DSE: variants seen among roughly 807,000 people sequenced by gnomAD.
The protein encoded by DSE is dermatan-sulfate epimerase.
A neutral mutation model predicts 84.4 loss-of-function variants in DSE; 36 were observed. The ratio of observed to expected loss-of-function variants is 0.43; its 90% confidence interval spans 0.33 to 0.56. DSE has a LOEUF of 0.56. Among genes scored for constraint, DSE ranks in the 20% least tolerant of loss-of-function variants. The pLI is 0.06. For missense variants in DSE, 862 were observed against 1,169.6 expected (o/e 0.74, Z 3.84); for synonymous variants, 410 against 430.1 (o/e 0.95, Z 0.58).
chr6:116,311,283 C>T (rs1037047152), intron 2 of DSE, among the ~76,000 whole-genome samples: 1 of 152,134 alleles, frequency 6.6e-6, no homozygotes, highest in Non-Finnish European at 1.5e-5. Context: ...GTTTTCATAT[C>T]GCCTTTCTCT....
At chr6:116,342,066 A>G (rs1389376898) in intron 2 of DSE, among the ~76,000 whole-genome samples, 1 of 152,200 alleles carries the variant, frequency 6.6e-6, no homozygotes, top group Non-Finnish European at 1.5e-5. Context: ...TTTTAAAAAT[A>G]GCTGCTTAAT....
intron 2 of DSE, among the ~76,000 whole-genome samples, chr6:116,304,157 A>T (rs1582981255): frequency 6.6e-6 from 1 of 151,884 alleles, no homozygotes; most frequent in Admixed American, 6.6e-5. Context: ...AAACAGAAAC[A>T]GTGGGTCAGA....
At chr6:116,386,035 A>G (rs1780559564) in intron 1 of DSE, among the ~76,000 whole-genome samples, 2 of 152,212 alleles carry the variant, frequency 1.3e-5, no homozygotes, top group Non-Finnish European at 2.9e-5. Flanking sequence ...ACTTCCTTTT[A>G]GCCCTTTGCT....
chr6:116,390,487 G>A (rs1207032183), intron 1 of DSE, among the ~76,000 whole-genome samples: 1 of 152,132 alleles, frequency 6.6e-6, no homozygotes, highest in African/African-American at 2.4e-5. Context: ...ACAATGCACT[G>A]CAAAGCATAA....
chr6:116,401,901 T>C, intron 2 of DSE, among the ~76,000 whole-genome samples: 1 of 144,060 alleles, frequency 6.9e-6, no homozygotes, highest in East Asian at 2.0e-4. Flanking sequence ...ACAAAAGAGA[T>C]CAATAATTGA....
intron 2 of DSE, among the ~76,000 whole-genome samples, chr6:116,327,953 C>T (rs1482521762): frequency 6.6e-6 from 1 of 152,072 alleles, no homozygotes; most frequent in Non-Finnish European, 1.5e-5. Flanking sequence ...CCACAGAGGC[C>T]AGAGGAGCAC....
intron 4 of DSE, 35 bp downstream of exon 4, chr6:116,431,228 A>G (rs1204817341): frequency 1.9e-6 from 3 of 1,605,902 alleles, no homozygotes; most frequent in Admixed American, 1.7e-5. Context: ...AAAACATTAA[A>G]CTATTGTAAT....
chr6:116,360,613 T>C (rs552024431), intron 2 of DSE, among the ~76,000 whole-genome samples: 1 of 152,334 alleles, frequency 6.6e-6, no homozygotes, highest in African/African-American at 2.4e-5. Context: ...TTAGTGTGGA[T>C]ACTTAATATG....
intron 2 of DSE, among the ~76,000 whole-genome samples, chr6:116,309,509 T>G (rs1562220508): frequency 6.6e-6 from 1 of 152,242 alleles, no homozygotes; most frequent in Non-Finnish European, 1.5e-5. Flanking sequence ...TAGTTATACA[T>G]GAATTATTCA....
intron 2 of DSE, among the ~76,000 whole-genome samples, chr6:116,410,764 A>AAAG (rs1554224279): frequency 0.017 from 2,413 of 138,528 alleles, 37 homozygotes; most frequent in Non-Finnish European, 0.021. Context: ...AAAAAAAAAA[A>AAAG]AAGAAGAAGA....
chr6:116,315,493 G>A (rs555255633), intron 2 of DSE, among the ~76,000 whole-genome samples: 26 of 152,100 alleles, frequency 1.7e-4, no homozygotes, highest in African/African-American at 6.3e-4. Flanking sequence ...TTACAAAATC[G>A]ATGTTGAATG....
At chr6:116,314,075 CT>C (rs1415543327) in intron 2 of DSE, among the ~76,000 whole-genome samples, 1 of 152,118 alleles carries the variant, frequency 6.6e-6, no homozygotes, top group Non-Finnish European at 1.5e-5. Flanking sequence ...TGATGGCTTC[CT>C]TTCCCCCATT....
At chr6:116,257,955 T>A (rs1339279382) in intron 1 of DSE, among the ~76,000 whole-genome samples, 1 of 152,186 alleles carries the variant, frequency 6.6e-6, no homozygotes, top group Non-Finnish European at 1.5e-5. Flanking sequence ...GAAACAAGAA[T>A]TCATGATTCT....
chr6:116,277,234 CTG>C (rs1773185169), intron 2 of DSE: 1 of 152,612 alleles, frequency 6.6e-6, no homozygotes, highest in African/African-American at 2.4e-5. Flanking sequence ...CAAAGTTGCG[CTG>C]TCTTTCTTTA....
At chr6:116,288,431 A>G (rs1251602440) in intron 2 of DSE, 2 of 152,108 alleles carry the variant, frequency 1.3e-5, no homozygotes, top group African/African-American at 4.8e-5. Flanking sequence ...AGAGAAGAAT[A>G]TAATCCCTGT....
At chr6:116,370,704 GA>G (rs1779480978), upstream of DSE, among the ~76,000 whole-genome samples, 1 of 152,106 alleles carries the variant, frequency 6.6e-6, no homozygotes, top group Admixed American at 6.5e-5. Flanking sequence ...GGGTGGCGTG[GA>G]AGGCCGAGCA....
At chr6:116,305,760 C>G (rs1775307691) in intron 2 of DSE, among the ~76,000 whole-genome samples, 1 of 152,088 alleles carries the variant, frequency 6.6e-6, no homozygotes, top group South Asian at 2.1e-4. Flanking sequence ...GCTTTAGCCC[C>G]CTGAGTAGCT....
intron 2 of DSE, among the ~76,000 whole-genome samples, chr6:116,344,917 G>A (rs2114831825): frequency 6.6e-6 from 1 of 152,260 alleles, no homozygotes; most frequent in Non-Finnish European, 1.5e-5. Context: ...TCAAAATAAA[G>A]GGATGGAGGA....
chr6:116,439,665 A>T lies in DSE; in HGVS notation c.*2320A>T, dbSNP rs1784366345. The T allele has an allele frequency of 2.6e-5, 4 of 152,224 alleles. No homozygotes were observed. The South Asian group carries it at 8.3e-4, about 32-fold the overall frequency. The allele number at this position is 152,224 out of a possible 1,614,324, so 9.4% of individuals were successfully genotyped here. On this transcript the variant is annotated 3_prime_UTR_variant, in exon 6 of 6. Coordinates refer to ENST00000644252, the MANE Select transcript of DSE (RefSeq NM_013352.4). ...CTCCCTTGAAACTGAGTAATCAGTT[A>T]TGGAATCTGTTTCAATGCTGCTCAC...
Sources: gnomAD v4.1 joint callset for allele counts (sites outside exome capture counted in the v4.1 genomes callset) on GRCh38, gnomAD v4.1.1 for gene constraint, MANE v1.5 for transcripts, NCBI Gene and HGNC (gene_info 2026-07-23, HGNC 2026-07-21) for gene names.